Variants in CFAP91 observed in about 807,000 individuals in gnomAD.
CFAP91 encodes cilia- and flagella-associated protein 91.
A neutral mutation model predicts 95.9 loss-of-function variants in CFAP91; 85 were observed. The ratio of observed to expected loss-of-function variants is 0.89; its 90% CI spans 0.74 to 1.06. CFAP91 has a LOEUF of 1.06. Among genes scored for constraint, CFAP91 ranks in the 50% least tolerant of loss-of-function variants. The probability of loss-of-function intolerance (pLI) is 0.00; values close to 1 mark genes in which losing one functional copy is unlikely to be tolerated. For missense variants in CFAP91, 962 were observed against 943.4 expected (o/e 1.02, Z -0.26); for synonymous variants, 335 against 327.5 (o/e 1.02, Z -0.25).
intron 17 of CFAP91, among the ~76,000 whole-genome samples, chr3:119,751,442 A>G (rs1172104799): frequency 6.6e-6 from 1 of 152,200 alleles, no homozygotes; most frequent in African/African-American, 2.4e-5. Flanking sequence ...TAGACAAGGT[A>G]TGCCCTAATG....
At chr3:119,753,684 A>T (rs1195630910) in intron 17 of CFAP91, among the ~76,000 whole-genome samples, 1 of 152,162 alleles carries the variant, frequency 6.6e-6, no homozygotes, top group Non-Finnish European at 1.5e-5. Flanking sequence ...TCCATAAGTT[A>T]TTGGGGTATA....
rs535177327 is a variant in CFAP91 at position 119,735,016 on chromosome 3, C to T, written c.1344+1510C>T. 2.0e-5 allele frequency among the ~76,000 whole-genome samples: 3 copies of T among 152,190 alleles called. No individual in the cohort carries two copies. In the East Asian group the frequency reaches 5.8e-4, roughly 29 times the overall value. Reference sequence around the variant, plus strand: ...TTTTTTATAAATTCCATTTCACCTACCTTTTCCATTTTTTTGGCATATGAT... The same window carrying T: ...TTTTTTATAAATTCCATTTCACCTATCTTTTCCATTTTTTTGGCATATGAT... On this transcript the variant is annotated intron_variant, in intron 10 of 17. Coordinates refer to ENST00000273390, the MANE Select transcript of CFAP91 (RefSeq NM_033364.4).
chr3:119,735,531 A>G (rs2053984937), intron 10 of CFAP91, among the ~76,000 whole-genome samples: 1 of 152,214 alleles, frequency 6.6e-6, no homozygotes, highest in South Asian at 2.1e-4. Flanking sequence ...CCAAATATGC[A>G]GGAATTTTAA....
At chr3:119,723,714 G>A (rs1020083703) in intron 6 of CFAP91, among the ~76,000 whole-genome samples, 1 of 152,170 alleles carries the variant, frequency 6.6e-6, no homozygotes, top group Non-Finnish European at 1.5e-5. Context: ...GTATAGTATA[G>A]TGCACAAAAA....
At chr3:119,741,058 G>A (rs2054111778) in intron 13 of CFAP91, among the ~76,000 whole-genome samples, 1 of 152,104 alleles carries the variant, frequency 6.6e-6, no homozygotes, top group East Asian at 1.9e-4. Context: ...CGCCATATTG[G>A]CCAGGCTGGT....
intron 17 of CFAP91, among the ~76,000 whole-genome samples, chr3:119,757,179 A>T (rs1455293691): frequency 2.0e-5 from 3 of 152,362 alleles, no homozygotes; most frequent in Non-Finnish European, 4.4e-5. Context: ...GGTCTAATTT[A>T]TTGGGAAGAT....
chr3:119,709,967 T>C, intron 5 of CFAP91, 72 bp downstream of exon 5: 1 of 1,185,040 alleles, frequency 8.4e-7, no homozygotes, highest in Non-Finnish European at 1.2e-6. Context: ...TCTTAGAAGA[T>C]AGTTCACTAA....
chr3:119,750,448 T>C (rs2054303969), intron 16 of CFAP91: 1 of 165,350 alleles, frequency 6.0e-6, no homozygotes, highest in Non-Finnish European at 1.3e-5. Context: ...AGCCATGAGC[T>C]CATAAACTCA....
In CFAP91 at chr3:119,715,706, A is replaced by C; in HGVS notation, c.645A>C (p.Ser215=). ...YSAEYVVCQD[S]IPELLTLATL... ...CAGAATATGTAGTATGTCAGGACTC[A>C]ATCCCTGAGCTCTTGACCCTGGCTA... The change falls in exon 6 of 18, where the codon TCA becomes TCC. Residue 215 remains serine, a synonymous_variant. Coordinates refer to ENST00000273390, the MANE Select transcript of CFAP91 (RefSeq NM_033364.4). 1 of 1,614,106 alleles carries C rather than the reference A, an allele frequency of 6.2e-7. No homozygotes were observed.
chr3:119,741,095 G>A (rs1424229980), intron 13 of CFAP91, among the ~76,000 whole-genome samples: 1 of 152,134 alleles, frequency 6.6e-6, no homozygotes, highest in Admixed American at 6.5e-5. Context: ...CAGGTGATCC[G>A]CCTGCCTCAG....
At chr3:119,706,709 A>G (rs974273666) in intron 1 of CFAP91, 100 bp from the exon 2 acceptor site, 8 of 902,870 alleles carry the variant, frequency 8.9e-6, no homozygotes, top group Non-Finnish European at 1.4e-5. Flanking sequence ...AAACTTTTAA[A>G]TTTGTTTTCC....
chr3:119,741,930 G>A (rs1229798099), intron 13 of CFAP91, among the ~76,000 whole-genome samples: 4 of 152,116 alleles, frequency 2.6e-5, no homozygotes, highest in African/African-American at 4.8e-5. Flanking sequence ...ATCCAACAGA[G>A]GAACCAGAGA....
chr3:119,712,078 C>CCAGG (rs1354301507), intron 5 of CFAP91, among the ~76,000 whole-genome samples: 3 of 152,158 alleles, frequency 2.0e-5, no homozygotes, highest in Non-Finnish European at 4.4e-5. Context: ...AGGGCAGGAG[C>CCAGG]CAGGACACAG....
intron 6 of CFAP91, among the ~76,000 whole-genome samples, chr3:119,721,052 A>G (rs545907583): frequency 2.4e-4 from 37 of 152,346 alleles, no homozygotes; most frequent in South Asian, 2.3e-3. Context: ...TAGTAAGGAA[A>G]CTTACAGGCC....
In CFAP91 at chr3:119,715,647, C is replaced by T. The variant is rs746475787; in HGVS notation, c.586C>T (p.Arg196Trp). The T allele has an allele frequency of 6.8e-6, 11 of 1,613,132 alleles. No individual in the cohort carries two copies. The highest frequency in any genetic ancestry group is 2.2e-5 in the South Asian group (2 of 91,066). Residue 196 changes from arginine to tryptophan, a missense_variant, in exon 6 of 18, where the codon CGG (arginine) becomes TGG (tryptophan). Coordinates refer to ENST00000273390, the MANE Select transcript of CFAP91 (RefSeq NM_033364.4). ...KSTVGTQTDY[R>W]DADVQTDPYS... ...TACTGTGGGCACTCAGACTGATTAT[C>T]GGGATGCTGACGTTCAAACAGATCC... is the stretch of plus-strand genomic sequence containing the variant.
At chr3:119,704,146 A>G (rs1577191113) in intron 1 of CFAP91, among the ~76,000 whole-genome samples, 1 of 152,200 alleles carries the variant, frequency 6.6e-6, no homozygotes, top group East Asian at 1.9e-4. Flanking sequence ...TGTGAAATAA[A>G]TCAAGTTAGC....
chr3:119,740,547 A>G lies in CFAP91; in HGVS notation c.1534-2A>G. 6.3e-7 allele frequency: 1 copy of G among 1,598,920 alleles called. No individual in the cohort carries two copies. The highest frequency in any genetic ancestry group is 1.1e-5 in the South Asian group (1 of 90,710). On this transcript the variant is annotated splice_acceptor_variant, in intron 12 of 17. Coordinates refer to ENST00000273390, the MANE Select transcript of CFAP91 (RefSeq NM_033364.4). LOFTEE classifies it high-confidence loss of function. The stretch of plus-strand genomic sequence containing the variant: ...GTCTGTCTTTGATTTGATTTGATAC[A>G]GATGTTTGAAGGGAAAGAAAAGCGA...
chr3:119,731,262 A>T (rs1019562300), intron 8 of CFAP91, among the ~76,000 whole-genome samples: 8 of 152,224 alleles, frequency 5.3e-5, no homozygotes, highest in African/African-American at 1.9e-4. Flanking sequence ...TATCAATTAC[A>T]TGTGCAGACT....
intron 1 of CFAP91, chr3:119,706,436 C>T (rs1403584663): frequency 2.3e-5 from 4 of 174,906 alleles, no homozygotes; most frequent in African/African-American, 4.8e-5. Context: ...TGGCATAGTG[C>T]GTATATACAA....
Sources: allele counts gnomAD v4.1 joint callset (sites outside exome capture counted in the v4.1 genomes callset), GRCh38; gene constraint gnomAD v4.1.1; transcripts MANE v1.5; gene names NCBI Gene and HGNC (gene_info 2026-07-23, HGNC 2026-07-21).